Variants in CHM observed in about 807,000 individuals in gnomAD.
The protein encoded by CHM is rab proteins geranylgeranyltransferase component A 1.
A neutral mutation model predicts 49.0 loss-of-function variants in CHM; 10 were observed. The observed-to-expected ratio is 0.20, with a 90% CI of 0.13 to 0.35. CHM has a LOEUF of 0.35. CHM is among the 10% of genes least tolerant of loss of function. The pLI, the probability that CHM is intolerant of heterozygous loss-of-function variation, is 1.00. For synonymous variants in CHM, 184 were observed against 167.5 expected (o/e 1.10, Z -0.76); for missense variants, 455 against 478.4 (o/e 0.95, Z 0.46).
chrX:85,930,655 T>C (rs1415940370), intron 8 of CHM, among the ~76,000 whole-genome samples: 2 of 111,719 alleles, frequency 1.8e-5, no homozygotes, highest in African/African-American at 6.5e-5. Context: ...TCCACTCTCT[T>C]ATTCCCAGTC....
chrX:85,980,620 TC>T (rs1262510045), intron 3 of CHM, among the ~76,000 whole-genome samples: 1 of 112,221 alleles, frequency 8.9e-6, no homozygotes, highest in African/African-American at 3.2e-5. Context: ...TACATCATCC[TC>T]CTTTCCAAAC....
Position 85,934,188 on chromosome X carries a change from C to T in CHM, c.1166+21965G>A, listed in dbSNP as rs186238165. 6.0e-3 allele frequency among the ~76,000 whole-genome samples: 637 copies of T among 106,931 alleles called. 4 individuals are homozygous for T. The highest frequency in any genetic ancestry group is 0.011 in the Admixed American group (110 of 9,932). 92.9% of individuals were successfully genotyped at this position (106,931 alleles called of 115,157 possible). A position where few individuals can be genotyped will look rare whatever the true frequency, so the allele number is the denominator to read the frequency against. On this transcript the variant is annotated intron_variant, in intron 8 of 14. Transcript: ENST00000357749. Reference sequence around the variant, plus strand: ...GTAGAGACAGGGTTTCACTGTGTTACGCAGGATGGTCTCGATCTCCTGACC... The same window carrying T: ...GTAGAGACAGGGTTTCACTGTGTTATGCAGGATGGTCTCGATCTCCTGACC...
At chrX:85,963,351 G>A (rs1287690315) in intron 5 of CHM, among the ~76,000 whole-genome samples, 1 of 112,142 alleles carries the variant, frequency 8.9e-6, no homozygotes. Flanking sequence ...TAAATAACAT[G>A]GATTTCTAAA....
chrX:85,873,669 G>A lies in CHM; in HGVS notation c.1610-457C>T, dbSNP rs766392482. ...GGAGGTGATCACTAATTGGTATGACGTTTCTTTTGGGGTGATGGAAATGTT... is the reference window on the plus strand; with the variant it reads ...GGAGGTGATCACTAATTGGTATGACATTTCTTTTGGGGTGATGGAAATGTT... On this transcript the variant is annotated intron_variant, in intron 13 of 14. Transcript: ENST00000357749. Among the ~76,000 whole-genome samples, 4 of 111,022 alleles carry A rather than the reference G, an allele frequency of 3.6e-5. No individual in the cohort carries two copies. In the South Asian group the frequency reaches 1.1e-3, roughly 32 times the overall value.
At chrX:85,957,006 A>C (rs1464522344) in intron 7 of CHM, among the ~76,000 whole-genome samples, 2 of 111,599 alleles carry the variant, frequency 1.8e-5, no homozygotes, top group African/African-American at 6.5e-5. Flanking sequence ...ACTTTACAGA[A>C]ATAATTTACA....
intron 8 of CHM, among the ~76,000 whole-genome samples, chrX:85,942,769 T>A (rs766777697): frequency 9.2e-6 from 1 of 108,684 alleles, no homozygotes; most frequent in African/African-American, 3.4e-5. Flanking sequence ...TTTTTTTTTA[T>A]ATATATATAC....
chrX:86,007,726 A>T (rs1356768681), intron 2 of CHM, among the ~76,000 whole-genome samples: 1 of 112,558 alleles, frequency 8.9e-6, no homozygotes, highest in Non-Finnish European at 1.9e-5. Context: ...CATACCAGTT[A>T]GAATGGCAAT....
At chrX:85,880,176 A>G (rs1276605820) in intron 12 of CHM, among the ~76,000 whole-genome samples, 1 of 111,484 alleles carries the variant, frequency 9.0e-6, no homozygotes, top group Non-Finnish European at 1.9e-5. Context: ...TGAATTACTT[A>G]TGGCCTAATA....
At chrX:86,036,993 C>T (rs1243085832) in intron 1 of CHM, among the ~76,000 whole-genome samples, 1 of 110,200 alleles carries the variant, frequency 9.1e-6, no homozygotes, top group East Asian at 2.8e-4. Context: ...TGTTTTTTAT[C>T]TAAATGGAGA....
At chrX:85,976,932 T>C (rs1345102490) in intron 4 of CHM, among the ~76,000 whole-genome samples, 1 of 107,152 alleles carries the variant, frequency 9.3e-6, no homozygotes, top group Non-Finnish European at 1.9e-5. Context: ...AATGAGGTTG[T>C]CAGAAATATG....
rs754638444 is a variant in CHM at position 85,917,883 on chromosome X, T to C, written c.1167-6545A>G. ...AAATTTTTTAAAAGAACTGAAAAACTGAACAAAACCTCTGAGAAATATGGG... is the reference window on the plus strand; with the variant it reads ...AAATTTTTTAAAAGAACTGAAAAACCGAACAAAACCTCTGAGAAATATGGG... On this transcript the variant is annotated intron_variant, in intron 8 of 14. Coordinates refer to ENST00000357749, the MANE Select transcript of CHM (RefSeq NM_000390.4). Among the ~76,000 whole-genome samples the C allele has an allele frequency of 2.9e-4, 32 of 110,308 alleles. 1 individual carries two copies. The South Asian group carries it at 0.011, about 39-fold the overall frequency.
At chrX:86,018,231 T>G (rs1480337596) in intron 2 of CHM, among the ~76,000 whole-genome samples, 1 of 112,150 alleles carries the variant, frequency 8.9e-6, no homozygotes, top group Admixed American at 9.5e-5. Context: ...CAAAATACAT[T>G]AAGACATTTT....
intron 5 of CHM, among the ~76,000 whole-genome samples, chrX:85,961,025 C>T (rs1930267319): frequency 9.0e-6 from 1 of 111,307 alleles, no homozygotes; most frequent in Non-Finnish European, 1.9e-5. Flanking sequence ...GTATTGTCAA[C>T]TGTAAAGCCC....
chrX:85,881,606 G>GTT (rs1404804783), intron 12 of CHM, among the ~76,000 whole-genome samples: 10 of 111,884 alleles, frequency 8.9e-5, no homozygotes, highest in African/African-American at 3.2e-4. Flanking sequence ...CCTGCCTGCA[G>GTT]AGTGTCTGCC....
At chrX:85,881,635 T>C (rs979849550) in intron 12 of CHM, among the ~76,000 whole-genome samples, 1 of 111,534 alleles carries the variant, frequency 9.0e-6, no homozygotes, top group African/African-American at 3.3e-5. Flanking sequence ...CTAAATTATA[T>C]TATGTGATTC....
chrX:85,965,796 G>C (rs1243115424), intron 4 of CHM, among the ~76,000 whole-genome samples: 4 of 111,034 alleles, frequency 3.6e-5, no homozygotes, highest in African/African-American at 9.8e-5. Context: ...ATAAAATCTA[G>C]TGAAGAAACA....
chrX:85,995,333 A>G (rs1367473857), intron 2 of CHM, among the ~76,000 whole-genome samples: 1 of 103,290 alleles, frequency 9.7e-6, no homozygotes, highest in East Asian at 3.2e-4. Flanking sequence ...CTTGGCAGCC[A>G]CACTTCAACT....
chrX:85,953,283 A>T (rs1929841243), intron 8 of CHM, among the ~76,000 whole-genome samples: 1 of 112,048 alleles, frequency 8.9e-6, no homozygotes, highest in Non-Finnish European at 1.9e-5. Flanking sequence ...GAGGACACAA[A>T]GAAATGGAAA....
At chrX:85,960,139 A>G (rs1930219314) in intron 5 of CHM, among the ~76,000 whole-genome samples, 1 of 111,569 alleles carries the variant, frequency 9.0e-6, no homozygotes, top group African/African-American at 3.3e-5. Context: ...CTCTATAATA[A>G]TGATAAAAAA....
Sources: allele counts gnomAD v4.1 joint callset (sites outside exome capture counted in the v4.1 genomes callset), GRCh38; gene constraint gnomAD v4.1.1; transcripts MANE v1.5; gene names NCBI Gene and HGNC (gene_info 2026-07-23, HGNC 2026-07-21).